ZNF830: variants seen among roughly 807,000 people sequenced by gnomAD.
ZNF830 encodes the protein coiled-coil domain containing 16.
In ZNF830, 15 loss-of-function variants were observed where a neutral mutation model predicts 28.1. That is an observed-to-expected ratio of 0.53 (90% confidence interval 0.36 to 0.82). The LOEUF (loss-of-function observed/expected upper bound fraction) is 0.82, where lower values mean the gene tolerates loss of function less well. ZNF830 is among the 40% of genes least tolerant of loss of function. ZNF830 has a pLI of 0.01. For missense variants in ZNF830, 456 were observed against 467.7 expected (o/e 0.97, Z 0.23); for synonymous variants, 208 against 185.3 (o/e 1.12, Z -0.99).
chr17:34,962,515 C>A lies in ZNF830; in HGVS notation c.949C>A (p.Arg317=). The change falls in exon 1 of 1, where the codon CGG becomes AGG. Residue 317 remains arginine (R), a synonymous_variant. Transcript: ENST00000361952. ...EIDEQIECYR[R]VEKLRNRQDE... The stretch of plus-strand genomic sequence containing the variant: ...CGATGAGCAGATAGAGTGTTACCGA[C>A]GGGTGGAAAAGCTACGGAATCGCCA... The A allele has an allele frequency of 6.2e-7, 1 of 1,613,874 alleles. No homozygotes were observed. Among genetic ancestry groups the A allele is most frequent in the Non-Finnish European group, 8.5e-7 (1 of 1,180,004 alleles).
Position 34,961,572 on chromosome 17 carries a change from G to A in ZNF830, c.6G>A (p.Ala2=). M[A]SSASARTPAG... is the part of the protein sequence containing the mutation. ...TTTTGGGTCTGGTCGCCAAGATGGCGTCCTCCGCCTCCGCCCGGACTCCGG... is the reference window on the plus strand; with the variant it reads ...TTTTGGGTCTGGTCGCCAAGATGGCATCCTCCGCCTCCGCCCGGACTCCGG... The change falls in exon 1 of 1, where the codon GCG becomes GCA. Residue 2 remains alanine, a synonymous_variant. Transcript: ENST00000361952. 6.2e-7 allele frequency: 1 copy of A among 1,613,484 alleles called. No individual in the cohort carries two copies. Among genetic ancestry groups the A allele is most frequent in the Non-Finnish European group, 8.5e-7 (1 of 1,179,522 alleles).
At position 34,961,769 on chromosome 17, in the gene ZNF830, C is replaced by G; in HGVS notation, c.203C>G (p.Thr68Ser). Residue 68 changes from threonine to serine, a missense_variant, in exon 1 of 1, where the codon ACT becomes AGT. Physicochemically the swap from Thr to Ser is moderately conservative, Grantham distance 58. Coordinates refer to ENST00000361952, the MANE Select transcript of ZNF830 (RefSeq NM_052857.4). ...GTTAAGAGCGAGCTCCTGTGGCAGA[C>G]TCACGTCCTGGGAAAGCAGCACCGA... ...TPVKSELLWQ[T>S]HVLGKQHREK... 6.2e-7 allele frequency: 1 copy of G among 1,614,124 alleles called. No homozygotes were observed. The highest frequency in any genetic ancestry group is 8.5e-7 in the Non-Finnish European group (1 of 1,180,032).
In ZNF830 at chr17:34,963,003, T is replaced by A. The variant is rs1185141216; in HGVS notation, c.*318T>A. The A allele has an allele frequency of 9.0e-6, 2 of 221,580 alleles. No homozygotes were observed. The highest frequency in any genetic ancestry group is 4.6e-5 in the African/African-American group (2 of 43,286). 13.7% of individuals were successfully genotyped at this position (221,580 alleles called of 1,614,324 possible). A position where few individuals can be genotyped will look rare whatever the true frequency, so the allele number is the denominator to read the frequency against. ...TACATAGTTAAATCTGTATTCTGTT[T>A]TGAATTTTTTTAATTAATAGAAAGA... On this transcript the variant is annotated 3_prime_UTR_variant, in exon 1 of 1. Transcript: ENST00000361952.
chr17:34,961,715 A>G lies in ZNF830; in HGVS notation c.149A>G (p.Gln50Arg), dbSNP rs764933281. Residue 50 changes from glutamine (Q) to arginine (R), a missense_variant, in exon 1 of 1, where the codon CAG (glutamine) becomes CGG (arginine). Physicochemically the swap from Gln to Arg is conservative, Grantham distance 43 (BLOSUM62 1). This residue lies in a region of ZNF830 where 331 missense variants were observed against 290.1 expected (regional missense o/e 1.14). Transcript: ENST00000361952. ...SPFAKYNRLG[Q>R]LSCALCNTPV... Reference sequence around the variant, plus strand: ...TTCGCGAAGTACAACCGTTTGGGGCAGCTGAGTTGTGCCCTGTGTAACACT... The same window carrying G: ...TTCGCGAAGTACAACCGTTTGGGGCGGCTGAGTTGTGCCCTGTGTAACACT... 2 of 1,614,228 alleles carry G rather than the reference A, an allele frequency of 1.2e-6. No individual in the cohort carries two copies. Among genetic ancestry groups the G allele is most frequent in the South Asian group, 2.2e-5 (2 of 91,086 alleles).
In ZNF830 at chr17:34,962,635, C is replaced by T. The variant is rs1474217786; in HGVS notation, c.1069C>T (p.Leu357=). ...TGCTGACAGCGATGATGAGGGGGAA[C>T]TACAGGATTTGTTGTCTCAGGATTG... The part of the protein sequence containing the change: ...ENADSDDEGE[L]QDLLSQDWRV... The change falls in exon 1 of 1, where the codon CTA becomes TTA. Residue 357 remains leucine, a synonymous_variant. Coordinates refer to ENST00000361952, the MANE Select transcript of ZNF830 (RefSeq NM_052857.4). 1.2e-6 allele frequency: 2 copies of T among 1,611,504 alleles called. No homozygotes were observed. The highest frequency in any genetic ancestry group is 1.7e-6 in the Non-Finnish European group (2 of 1,179,220).
At position 34,962,043 on chromosome 17, in the gene ZNF830, TGAAGATGAGGAGGAGGAG is replaced by T. The variant is rs778316021; in HGVS notation, c.483_500del (p.Asp161_Glu166del). 6.2e-7 allele frequency: 1 copy of T among 1,613,750 alleles called. No homozygotes were observed. Among genetic ancestry groups the T allele is most frequent in the Non-Finnish European group, 8.5e-7 (1 of 1,179,974 alleles). On this transcript the variant is annotated inframe_deletion, in exon 1 of 1. Coordinates refer to ENST00000361952, the MANE Select transcript of ZNF830 (RefSeq NM_052857.4). ...CAGGACTCAGTTTACTCCCCGATTA[TGAAGATGAGGAGGAGGAG>T]GAAGAGGAGGAGGAAGGAGATGGAG...
rs527994591 is a variant in ZNF830, at chr17:34,962,049, TGAGGAG to T, written c.492_497del (p.Glu169_Glu170del). 1 of 1,612,810 alleles carries T rather than the reference TGAGGAG, an allele frequency of 6.2e-7. No homozygotes were observed. The highest frequency in any genetic ancestry group is 1.3e-5 in the African/African-American group (1 of 74,554). On this transcript the variant is annotated inframe_deletion, in exon 1 of 1. Transcript: ENST00000361952. ...TCAGTTTACTCCCCGATTATGAAGA[TGAGGAG>T]GAGGAGGAAGAGGAGGAGGAAGGAG... is the stretch of plus-strand genomic sequence containing the variant.
At position 34,961,719 on chromosome 17, in the gene ZNF830, G is replaced by C. The variant is rs2090422601; in HGVS notation, c.153G>C (p.Leu51=). The C allele has an allele frequency of 6.2e-6, 10 of 1,614,214 alleles. No individual in the cohort carries two copies. The highest frequency in any genetic ancestry group is 7.6e-6 in the Non-Finnish European group (9 of 1,180,042). ...PFAKYNRLGQ[L]SCALCNTPVK... is the part of the protein sequence containing the mutation. ...CGAAGTACAACCGTTTGGGGCAGCTGAGTTGTGCCCTGTGTAACACTCCGG... is the reference window on the plus strand; with the variant it reads ...CGAAGTACAACCGTTTGGGGCAGCTCAGTTGTGCCCTGTGTAACACTCCGG... The change falls in exon 1 of 1, where the codon CTG becomes CTC. Residue 51 remains leucine (L), a synonymous_variant. Transcript: ENST00000361952.
rs149200056 is a variant in ZNF830, at chr17:34,962,071, G to A, written c.505G>A (p.Glu169Lys). The A allele has an allele frequency of 2.0e-3, 3,203 of 1,614,168 alleles. 1 individual carries two copies. Among genetic ancestry groups the A allele is most frequent in the Non-Finnish European group, 2.3e-3 (2,756 of 1,180,036 alleles). The change falls in exon 1 of 1, where the codon GAG becomes AAG. Residue 169 changes from glutamate (E) to lysine (K), a missense_variant. By Grantham distance (56) the Glu-to-Lys change is moderately conservative. This residue lies in a region of ZNF830 where 331 missense variants were observed against 290.1 expected (regional missense o/e 1.14). Coordinates refer to ENST00000361952, the MANE Select transcript of ZNF830 (RefSeq NM_052857.4). ...AGATGAGGAGGAGGAGGAAGAGGAG[G>A]AGGAAGGAGATGGAGAAAGAAAAAG... ...YEDEEEEEEE[E>K]EGDGERKRGD...
chr17:34,961,888 G>T lies in ZNF830; in HGVS notation c.322G>T (p.Ala108Ser). ...PHSVKRKAPD[A>S]DDQDVKRAKA... is the part of the protein sequence containing the mutation. ...TTCCGTCAAGAGGAAAGCGCCGGAC[G>T]CAGACGACCAAGATGTCAAGAGAGC... The change falls in exon 1 of 1, where the codon GCA becomes TCA. Residue 108 changes from alanine to serine, a missense_variant. Ala to Ser is a moderately conservative substitution (Grantham distance 99, BLOSUM62 1). Coordinates refer to ENST00000361952, the MANE Select transcript of ZNF830 (RefSeq NM_052857.4). 6.2e-7 allele frequency: 1 copy of T among 1,614,126 alleles called. No individual in the cohort carries two copies. Among genetic ancestry groups the T allele is most frequent in the East Asian group, 2.2e-5 (1 of 44,872 alleles).
At position 34,962,165 on chromosome 17, in the gene ZNF830, T is replaced by C. The variant is rs1475207339; in HGVS notation, c.599T>C (p.Val200Ala). The change falls in exon 1 of 1, where the codon GTA (valine) becomes GCA (alanine). Residue 200 changes from valine to alanine, a missense_variant. Physicochemically the swap from Val to Ala is moderately conservative, Grantham distance 64 (BLOSUM62 0). Coordinates refer to ENST00000361952, the MANE Select transcript of ZNF830 (RefSeq NM_052857.4). Reference sequence around the variant, plus strand: ...CACTCAGTTTCCTCTTCACGGGAGGTAACAAGTAGTGTGCTGCCAAACGAT... The same window carrying C: ...CACTCAGTTTCCTCTTCACGGGAGGCAACAAGTAGTGTGCTGCCAAACGAT... ...KEHSVSSSRE[V>A]TSSVLPNDFF... The C allele has an allele frequency of 1.2e-6, 2 of 1,613,974 alleles. No homozygotes were observed. The highest frequency in any genetic ancestry group is 8.5e-7 in the Non-Finnish European group (1 of 1,180,012).
At position 34,962,769 on chromosome 17, in the gene ZNF830, C is replaced by G; in HGVS notation, c.*84C>G. 1.3e-6 allele frequency: 2 copies of G among 1,485,550 alleles called. No homozygotes were observed. Among genetic ancestry groups the G allele is most frequent in the African/African-American group, 2.8e-5 (2 of 70,708 alleles). 92.0% of individuals were successfully genotyped at this position (1,485,550 alleles called of 1,614,324 possible). A position where few individuals can be genotyped will look rare whatever the true frequency, so the allele number is the denominator to read the frequency against. On this transcript the variant is annotated 3_prime_UTR_variant, in exon 1 of 1. Coordinates refer to ENST00000361952, the MANE Select transcript of ZNF830 (RefSeq NM_052857.4). The stretch of plus-strand genomic sequence containing the variant: ...TCAGTAGTATAGCGGTTACTTCATG[C>G]CTCAAGATTTGGGTACCTGGATTGC...
chr17:34,962,806 G>T lies in ZNF830; in HGVS notation c.*121G>T. ...GGTACCTGGATTGCTAAACTGGATT[G>T]TTGAGATAAAATGAGCCAGTGAGCT... is the stretch of plus-strand genomic sequence containing the variant. On this transcript the variant is annotated 3_prime_UTR_variant, in exon 1 of 1. Coordinates refer to ENST00000361952, the MANE Select transcript of ZNF830 (RefSeq NM_052857.4). The T allele has an allele frequency of 2.1e-6, 3 of 1,448,952 alleles. No individual in the cohort carries two copies. The highest frequency in any genetic ancestry group is 2.9e-5 in the African/African-American group (2 of 69,552). 89.8% of individuals were successfully genotyped at this position (1,448,952 alleles called of 1,614,324 possible).
chr17:34,962,095 AGGG>A lies in ZNF830; in HGVS notation c.533_535del (p.Gly178del). ...GGAGGAAGGAGATGGAGAAAGAAAA[AGGG>A]GGGACGCCAGCAAGCCGCTCTCCGA... On this transcript the variant is annotated inframe_deletion, in exon 1 of 1. Transcript: ENST00000361952. 6.2e-7 allele frequency: 1 copy of A among 1,613,742 alleles called. No individual in the cohort carries two copies. The highest frequency in any genetic ancestry group is 8.5e-7 in the Non-Finnish European group (1 of 1,179,872).
rs770134815 is a variant in ZNF830 at position 34,961,642 on chromosome 17, A to T, written c.76A>T (p.Lys26Ter). ...TCAGGAAGAATTGCGGCGGTTAATG[A>T]AGGAGAAGCAGCGTCTGAGCACCAG... ...INQEELRRLM[K>*]EKQRLSTSRK... Residue 26 changes from lysine (K) to a stop codon, truncating the protein, a stop_gained, in exon 1 of 1, where the codon AAG becomes TAG. Coordinates refer to ENST00000361952, the MANE Select transcript of ZNF830 (RefSeq NM_052857.4). LOFTEE classifies it high-confidence loss of function. 2 of 1,614,148 alleles carry T rather than the reference A, an allele frequency of 1.2e-6. No individual in the cohort carries two copies. The highest frequency in any genetic ancestry group is 1.7e-6 in the Non-Finnish European group (2 of 1,180,020).
Position 34,961,726 on chromosome 17 carries a change from GC to G in ZNF830, c.163del (p.Leu55CysfsTer28). On this transcript the variant is annotated frameshift_variant, in exon 1 of 1. Coordinates refer to ENST00000361952, the MANE Select transcript of ZNF830 (RefSeq NM_052857.4). LOFTEE classifies it high-confidence loss of function. ...KYNRLGQLSC[A>X]LCNTPVKSEL... ...CAACCGTTTGGGGCAGCTGAGTTGT[GC>G]CCTGTGTAACACTCCGGTTAAGAGC... 6.2e-7 allele frequency: 1 copy of G among 1,614,182 alleles called. No individual in the cohort carries two copies. The highest frequency in any genetic ancestry group is 8.5e-7 in the Non-Finnish European group (1 of 1,180,040).
chr17:34,963,500 T>C lies in ZNF830; in HGVS notation c.*815T>C, dbSNP rs2090441859. On this transcript the variant is annotated 3_prime_UTR_variant, in exon 1 of 1. Coordinates refer to ENST00000361952, the MANE Select transcript of ZNF830 (RefSeq NM_052857.4). ...TTCCATAAATTTGCTGTTTCTTGAATGAAGGAAAAAATATTATCTTTTATT... is the reference window on the plus strand; with the variant it reads ...TTCCATAAATTTGCTGTTTCTTGAACGAAGGAAAAAATATTATCTTTTATT... The C allele has an allele frequency of 6.6e-6, 1 of 152,230 alleles. No homozygotes were observed. The highest frequency in any genetic ancestry group is 2.4e-5 in the African/African-American group (1 of 41,458). 9.4% of individuals were successfully genotyped at this position (152,230 alleles called of 1,614,324 possible). A position where few individuals can be genotyped will look rare whatever the true frequency, so the allele number is the denominator to read the frequency against.
At position 34,962,799 on chromosome 17, in the gene ZNF830, C is replaced by T. The variant is rs1023346860; in HGVS notation, c.*114C>T. The T allele has an allele frequency of 2.0e-6, 3 of 1,470,856 alleles. No homozygotes were observed. Among genetic ancestry groups the T allele is most frequent in the African/African-American group, 2.9e-5 (2 of 70,148 alleles). 91.1% of individuals were successfully genotyped at this position (1,470,856 alleles called of 1,614,324 possible). On this transcript the variant is annotated 3_prime_UTR_variant, in exon 1 of 1. Coordinates refer to ENST00000361952, the MANE Select transcript of ZNF830 (RefSeq NM_052857.4). ...AGATTTGGGTACCTGGATTGCTAAA[C>T]TGGATTGTTGAGATAAAATGAGCCA...
Position 34,962,729 on chromosome 17 carries a change from A to G in ZNF830, c.*44A>G, listed in dbSNP as rs1486270195. The G allele has an allele frequency of 2.0e-6, 3 of 1,533,472 alleles. No homozygotes were observed. Among genetic ancestry groups the G allele is most frequent in the Non-Finnish European group, 1.7e-6 (2 of 1,147,156 alleles). 95.0% of individuals were successfully genotyped at this position (1,533,472 alleles called of 1,614,324 possible). On this transcript the variant is annotated 3_prime_UTR_variant, in exon 1 of 1. Transcript: ENST00000361952. ...TTTCTAACAGCCTCTGCTGTTGTAT[A>G]AAAAGTGCTGTCTCTCAGTAGTATA...
Sources: allele counts gnomAD v4.1 joint callset, GRCh38; gene constraint gnomAD v4.1.1; regional missense constraint gnomAD v4.1.1; transcripts MANE v1.5; gene names NCBI Gene and HGNC (gene_info 2026-07-23, HGNC 2026-07-21).